CPLANE1: variants seen among roughly 807,000 people sequenced by gnomAD.
CPLANE1 encodes the protein ciliogenesis and planar polarity effector 1.
CPLANE1 carries 263 observed loss-of-function variants against 362.5 expected under a neutral mutation model. That is an observed-to-expected ratio of 0.73 (90% CI 0.66 to 0.80). The LOEUF (loss-of-function observed/expected upper bound fraction) is 0.80, where lower values mean the gene tolerates loss of function less well. Ranked by LOEUF, CPLANE1 falls within the 30% of genes least tolerant of loss-of-function variation. The pLI, the probability that CPLANE1 is intolerant of heterozygous loss-of-function variation, is 0.00. For missense variants in CPLANE1, 3,461 were observed against 3,793.4 expected (o/e 0.91, Z 2.30); for synonymous variants, 1,212 against 1,302.6 (o/e 0.93, Z 1.50).
chr5:37,231,057 A>C lies in CPLANE1; in HGVS notation c.939-8T>G. On this transcript the variant is annotated splice_polypyrimidine_tract_variant and splice_region_variant and intron_variant, in intron 8 of 52. Coordinates refer to ENST00000651892, the MANE Select transcript of CPLANE1 (RefSeq NM_001384732.1). ...TCACCTACCCAGTAGGACCTATAATAAATAAGAGACAACATGTTTAGAAGA... is the reference window on the plus strand; with the variant it reads ...TCACCTACCCAGTAGGACCTATAATCAATAAGAGACAACATGTTTAGAAGA... 6.6e-7 allele frequency: 1 copy of C among 1,504,350 alleles called. No homozygotes were observed. Among genetic ancestry groups the C allele is most frequent in the Non-Finnish European group, 8.9e-7 (1 of 1,125,408 alleles). 93.2% of individuals were successfully genotyped at this position (1,504,350 alleles called of 1,614,324 possible).
In CPLANE1 at chr5:37,153,726, T is replaced by C. The variant is rs750819170; in HGVS notation, c.8373+14A>G. On this transcript the variant is annotated intron_variant, in intron 42 of 52. Transcript: ENST00000651892. ...TCAGTAGCAAACAAAAAACTAAAAA[T>C]AAAGGTAGTCTACCTTATCACAATG... is the stretch of plus-strand genomic sequence containing the variant. 18 of 1,585,914 alleles carry C rather than the reference T, an allele frequency of 1.1e-5. No homozygotes were observed. The highest frequency in any genetic ancestry group is 2.7e-5 in the African/African-American group (2 of 74,038).
intron 6 of CPLANE1, among the ~76,000 whole-genome samples, chr5:37,240,289 G>A (rs1346061434): frequency 6.6e-6 from 1 of 152,146 alleles, no homozygotes. Flanking sequence ...GGCGGAGGTC[G>A]CAGTGAGCCA....
At chr5:37,217,871 T>C (rs2150316496) in intron 15 of CPLANE1, among the ~76,000 whole-genome samples, 1 of 151,638 alleles carries the variant, frequency 6.6e-6, no homozygotes, top group South Asian at 2.1e-4. Flanking sequence ...TCCCAGCTAC[T>C]CAGGAGGCTG....
At chr5:37,224,165 T>C in intron 14 of CPLANE1, 88 bp downstream of exon 14, 2 of 793,280 alleles carry the variant, frequency 2.5e-6, no homozygotes, top group East Asian at 2.7e-5. Flanking sequence ...CACATATTTT[T>C]TGGAATTTAG....
chr5:37,195,980 G>A lies in CPLANE1; in HGVS notation c.3689C>T (p.Ser1230Phe), dbSNP rs1221461456. ...AGGAAAAGGACTCAGTGAAGGAAGG[G>A]ATCCTTTCATTCGAATCTAAAAGTA... ...KVMQKIRMKG[S>F]LPSLSPFPQS... Residue 1230 changes from serine (S) to phenylalanine (F), a missense_variant, in exon 21 of 53, where the codon TCC (serine) becomes TTC (phenylalanine). Ser to Phe is a radical substitution (Grantham distance 155). Transcript: ENST00000651892. The A allele has an allele frequency of 2.5e-6, 4 of 1,601,894 alleles. No individual in the cohort carries two copies. The highest frequency in any genetic ancestry group is 3.4e-6 in the Non-Finnish European group (4 of 1,176,200).
intron 27 of CPLANE1, 63 bp downstream of exon 27, chr5:37,180,794 A>T: frequency 2.0e-6 from 3 of 1,508,740 alleles, no homozygotes; most frequent in Non-Finnish European, 2.7e-6. Context: ...TCTTCCCTTT[A>T]AGCCCAAATG....
In CPLANE1 at chr5:37,201,803, T is replaced by C. The variant is rs768197468; in HGVS notation, c.3295A>G (p.Ile1099Val). The change falls in exon 19 of 53, where the codon ATT becomes GTT. Residue 1099 changes from isoleucine to valine, a missense_variant. By Grantham distance (29) the Ile-to-Val change is conservative. Coordinates refer to ENST00000651892, the MANE Select transcript of CPLANE1 (RefSeq NM_001384732.1). ...GSKYKQFTDP[I>V]EEEDANLLFG... Reference sequence around the variant, plus strand: ...AGCAGATTTGCATCTTCCTCTTCAATGGGATCTATCAAATACAAAAATTTG... The same window carrying C: ...AGCAGATTTGCATCTTCCTCTTCAACGGGATCTATCAAATACAAAAATTTG... The C allele has an allele frequency of 6.8e-6, 11 of 1,608,878 alleles. No homozygotes were observed. The highest frequency in any genetic ancestry group is 1.3e-5 in the African/African-American group (1 of 74,974).
intron 8 of CPLANE1, 70 bp downstream of exon 8, chr5:37,238,787 C>T: frequency 1.3e-6 from 1 of 784,124 alleles, no homozygotes. Context: ...GTGTGAGCTA[C>T]CACACCTGAC....
intron 46 of CPLANE1, among the ~76,000 whole-genome samples, chr5:37,133,701 G>A (rs1380284459): frequency 6.6e-6 from 1 of 152,022 alleles, no homozygotes; most frequent in Non-Finnish European, 1.5e-5. Flanking sequence ...TCTAGGTATA[G>A]AATCATACTG....
At chr5:37,157,466 T>A (rs775018978) in intron 40 of CPLANE1, 46 bp from the exon 41 acceptor site, 3 of 1,382,954 alleles carry the variant, frequency 2.2e-6, no homozygotes, top group South Asian at 1.2e-5. Flanking sequence ...GCTGATTCTA[T>A]CAAGACTATG....
Position 37,169,539 on chromosome 5 carries a change from G to T in CPLANE1, c.6485C>A (p.Pro2162His). Residue 2162 changes from proline to histidine, a missense_variant, in exon 34 of 53, where the codon CCT (proline) becomes CAT (histidine). Physicochemically the swap from Pro to His is moderately conservative, Grantham distance 77. Coordinates refer to ENST00000651892, the MANE Select transcript of CPLANE1 (RefSeq NM_001384732.1). ...GGGCTGGCCATTTAATTGACATAAA[G>T]GAATACTCCCATGTGGAACATTCTG... ...NVQNVPHGSI[P>H]LCQLNGQPRK... 2 of 1,610,542 alleles carry T rather than the reference G, an allele frequency of 1.2e-6. No homozygotes were observed. Among genetic ancestry groups the T allele is most frequent in the Non-Finnish European group, 1.7e-6 (2 of 1,178,106 alleles).
intron 15 of CPLANE1, among the ~76,000 whole-genome samples, chr5:37,214,923 T>C (rs1018913683): frequency 2.0e-5 from 3 of 152,220 alleles, no homozygotes; most frequent in African/African-American, 7.2e-5. Flanking sequence ...ACTTGAGACA[T>C]ACCATGGATT....
At chr5:37,185,248 T>G (rs1256378185) in intron 24 of CPLANE1, among the ~76,000 whole-genome samples, 169 bp from the exon 25 acceptor site, 1 of 152,134 alleles carries the variant, frequency 6.6e-6, no homozygotes, top group Non-Finnish European at 1.5e-5. Context: ...GGAAAGATAT[T>G]TTAAAGTAGA....
chr5:37,078,878 T>G, the CPLANE1 span, among the ~76,000 whole-genome samples: 12 of 152,220 alleles, frequency 7.9e-5, no homozygotes, highest in African/African-American at 2.9e-4. Flanking sequence ...TGTCTGTTCA[T>G]GTCCTTTGCC....
chr5:37,211,649 T>G, intron 16 of CPLANE1: 1 of 807,290 alleles, frequency 1.2e-6, no homozygotes, highest in East Asian at 2.4e-5. Flanking sequence ...CACACATTGC[T>G]TCCCCCAGTC....
At chr5:37,210,592 TAG>T in intron 16 of CPLANE1, 1 of 1,591,430 alleles carries the variant, frequency 6.3e-7, no homozygotes, top group East Asian at 2.2e-5. Flanking sequence ...GAGCTTGAAT[TAG>T]AGTCTGTCAA....
intron 52 of CPLANE1, 68 bp downstream of exon 52, chr5:37,108,225 C>T (rs986153641): frequency 1.4e-6 from 2 of 1,446,966 alleles, no homozygotes. Context: ...AACAAACAAA[C>T]AAACAAACAA....
chr5:37,206,159 A>T (rs1218828230), intron 17 of CPLANE1, 38 bp downstream of exon 17: 2 of 1,267,014 alleles, frequency 1.6e-6, no homozygotes, highest in South Asian at 2.6e-5. Context: ...TACATAGTTC[A>T]ATCATACTAT....
intron 5 of CPLANE1, 117 bp from the exon 6 acceptor site, chr5:37,243,236 A>G: frequency 1.6e-6 from 1 of 628,856 alleles, no homozygotes; most frequent in Non-Finnish European, 2.6e-6. Context: ...GATCTTGCTT[A>G]TACTTTTTAT....
Sources: allele counts gnomAD v4.1 joint callset (sites outside exome capture counted in the v4.1 genomes callset), GRCh38; gene constraint gnomAD v4.1.1; transcripts MANE v1.5; gene names NCBI Gene and HGNC (gene_info 2026-07-23, HGNC 2026-07-21).